The following GALNTL6 variants were observed in gnomAD, a reference collection of about 807,000 sequenced individuals.
The protein encoded by GALNTL6 is polypeptide N-acetylgalactosaminyltransferase like 6, also known as polypeptide N-acetylgalactosaminyltransferase-like 6.
A neutral mutation model predicts 73.7 loss-of-function variants in GALNTL6; 46 were observed. The observed-to-expected ratio is 0.62, with a 90% CI of 0.49 to 0.80. The LOEUF (loss-of-function observed/expected upper bound fraction) is 0.80. Among genes scored for constraint, GALNTL6 ranks in the 30% least tolerant of loss-of-function variants. GALNTL6 has a pLI of 0.00. For synonymous variants in GALNTL6, 259 were observed against 263.7 expected, an observed-to-expected ratio of 0.98 and a Z score of 0.17; for missense variants, 604 against 755.0, an observed-to-expected ratio of 0.80 and a Z score of 2.34.
intron 2 of GALNTL6, among the ~76,000 whole-genome samples, chr4:171,822,627 A>G (rs889071649): frequency 6.6e-6 from 1 of 152,194 alleles, no homozygotes; most frequent in African/African-American, 2.4e-5. Context: ...CCTAAAAAAG[A>G]TATAATAAAA....
intron 5 of GALNTL6, among the ~76,000 whole-genome samples, chr4:172,680,136 A>G (rs1732548388): frequency 6.6e-6 from 1 of 152,224 alleles, no homozygotes; most frequent in South Asian, 2.1e-4. Context: ...AATAGTGGCA[A>G]ATATTTTTGA....
At chr4:172,435,185 G>T (rs1412971551) in intron 5 of GALNTL6, among the ~76,000 whole-genome samples, 2 of 151,946 alleles carry the variant, frequency 1.3e-5, no homozygotes, top group African/African-American at 4.8e-5. Context: ...AAATCCTTGG[G>T]TTCTACTGTT....
intron 5 of GALNTL6, among the ~76,000 whole-genome samples, chr4:172,578,859 A>G (rs1289435057): frequency 6.6e-6 from 1 of 152,204 alleles, no homozygotes; most frequent in East Asian, 1.9e-4. Context: ...GCATAAGCGT[A>G]TTTTCTTAGC....
chr4:172,945,914 A>G (rs182233456), intron 9 of GALNTL6, among the ~76,000 whole-genome samples: 76 of 152,326 alleles, frequency 5.0e-4, no homozygotes, highest in Middle Eastern at 3.4e-3. Flanking sequence ...CATATTATCA[A>G]TGATAAAAGG....
chr4:172,707,688 G>A (rs914518352), intron 5 of GALNTL6, among the ~76,000 whole-genome samples: 11 of 152,168 alleles, frequency 7.2e-5, no homozygotes, highest in Non-Finnish European at 1.6e-4. Flanking sequence ...TGTTGTAATA[G>A]AGAGGGAGAT....
chr4:172,300,721 G>A (rs1232451961), intron 3 of GALNTL6, among the ~76,000 whole-genome samples: 1 of 152,136 alleles, frequency 6.6e-6, no homozygotes, highest in Non-Finnish European at 1.5e-5. Context: ...GGCTTGTAGA[G>A]TTTCTGCCGA....
At chr4:172,926,404 C>T (rs1379217241) in intron 8 of GALNTL6, among the ~76,000 whole-genome samples, 1 of 152,180 alleles carries the variant, frequency 6.6e-6, no homozygotes, top group Admixed American at 6.5e-5. Context: ...CTTTCTATTA[C>T]GGCACTTTTC....
chr4:171,879,751 T>C (rs542042236), intron 2 of GALNTL6, among the ~76,000 whole-genome samples: 1 of 152,276 alleles, frequency 6.6e-6, no homozygotes, highest in Non-Finnish European at 1.5e-5. Context: ...CCCAGAAATA[T>C]TAGAAATAGT....
chr4:172,729,855 T>C (rs1736046486), intron 5 of GALNTL6, among the ~76,000 whole-genome samples: 1 of 152,188 alleles, frequency 6.6e-6, no homozygotes, highest in Non-Finnish European at 1.5e-5. Flanking sequence ...ATTGTTCCAA[T>C]CCATGAGCAT....
At chr4:171,899,102 A>AAAAATTTAGTATTTATTAATACTAAAT (rs1737007099) in intron 2 of GALNTL6, among the ~76,000 whole-genome samples, 1 of 151,712 alleles carries the variant, frequency 6.6e-6, no homozygotes, top group African/African-American at 2.4e-5. Context: ...AATACTAAAT[A>AAAAATTTAGTATTTATTAATACTAAAT]AAAATTTAGT....
At chr4:172,231,821 A>G (rs1737079901) in intron 3 of GALNTL6, among the ~76,000 whole-genome samples, 1 of 152,078 alleles carries the variant, frequency 6.6e-6, no homozygotes. Flanking sequence ...AGTTTTGAAT[A>G]CAAAATCCAG....
At chr4:172,726,079 G>C (rs1441928071) in intron 5 of GALNTL6, among the ~76,000 whole-genome samples, 1 of 151,188 alleles carries the variant, frequency 6.6e-6, no homozygotes, top group Admixed American at 6.6e-5. Flanking sequence ...ATGAATAAAC[G>C]TACACTGACA....
At chr4:172,049,595 T>C (rs1730769529) in intron 2 of GALNTL6, among the ~76,000 whole-genome samples, 1 of 152,202 alleles carries the variant, frequency 6.6e-6, no homozygotes, top group South Asian at 2.1e-4. Flanking sequence ...GAAAGATTGA[T>C]TTCTATTTTA....
At chr4:172,099,662 T>TA (rs1560922822) in intron 2 of GALNTL6, among the ~76,000 whole-genome samples, 1 of 152,172 alleles carries the variant, frequency 6.6e-6, no homozygotes, top group African/African-American at 2.4e-5. Context: ...CATCTAGCAC[T>TA]ACACTTGTCT....
chr4:171,923,498 C>CTGA (rs1737861505), intron 2 of GALNTL6, among the ~76,000 whole-genome samples: 1 of 149,818 alleles, frequency 6.7e-6, no homozygotes, highest in African/African-American at 2.5e-5. Flanking sequence ...CCTGGGTTCA[C>CTGA]GCCATTCTGT....
At chr4:172,021,273 T>C (rs949641267) in intron 2 of GALNTL6, among the ~76,000 whole-genome samples, 3 of 151,916 alleles carry the variant, frequency 2.0e-5, no homozygotes, top group Non-Finnish European at 4.4e-5. Context: ...TTATTGGAAG[T>C]CCTAGCTAGA....
intron 2 of GALNTL6, among the ~76,000 whole-genome samples, chr4:172,055,394 G>A (rs1056857045): frequency 6.6e-6 from 1 of 152,072 alleles, no homozygotes. Flanking sequence ...CAATTTTCTT[G>A]AAGTAAATGG....
chr4:172,990,037 A>G (rs893826629), intron 10 of GALNTL6, among the ~76,000 whole-genome samples: 1 of 152,150 alleles, frequency 6.6e-6, no homozygotes, highest in Non-Finnish European at 1.5e-5. Context: ...ACAGGTCAGG[A>G]ACTCTGTACA....
chr4:172,107,307 T>C (rs547808056), intron 2 of GALNTL6, among the ~76,000 whole-genome samples: 1 of 152,204 alleles, frequency 6.6e-6, no homozygotes. Flanking sequence ...AGAAATATTT[T>C]CAAACAAAAT....
Sources: gnomAD v4.1 joint callset for allele counts (sites outside exome capture counted in the v4.1 genomes callset) on GRCh38, gnomAD v4.1.1 for gene constraint, MANE v1.5 for transcripts, NCBI Gene and HGNC (gene_info 2026-07-23, HGNC 2026-07-21) for gene names.